RALYL: variants seen among roughly 807,000 people sequenced by gnomAD.
RALYL encodes the protein RNA-binding Raly-like protein.
RALYL carries 29 observed loss-of-function variants against 35.1 expected under a neutral mutation model. The ratio of observed to expected loss-of-function variants is 0.83; its 90% CI spans 0.61 to 1.13. The LOEUF (loss-of-function observed/expected upper bound fraction) is 1.13. RALYL is among the 50% of genes most tolerant of loss of function. RALYL has a pLI of 0.00. For synonymous variants in RALYL, 120 were observed against 127.6 expected (o/e 0.94, Z 0.40); for missense variants, 359 against 360.4 (o/e 1.00, Z 0.03).
chr8:84,304,080 A>C (rs1460007420), intron 1 of RALYL, among the ~76,000 whole-genome samples: 1 of 152,046 alleles, frequency 6.6e-6, no homozygotes, highest in Non-Finnish European at 1.5e-5. Context: ...ATAAAATATA[A>C]AACTCATATT....
intron 2 of RALYL, among the ~76,000 whole-genome samples, chr8:84,584,556 T>C (rs1025811589): frequency 6.6e-6 from 1 of 151,840 alleles, no homozygotes; most frequent in Non-Finnish European, 1.5e-5. Context: ...TGAGCCAAGA[T>C]TGTGCCACTG....
intron 2 of RALYL, among the ~76,000 whole-genome samples, chr8:84,667,998 TA>T (rs1390415323): frequency 7.2e-5 from 11 of 152,180 alleles, no homozygotes; most frequent in Non-Finnish European, 1.6e-4. Flanking sequence ...AACAGCCTTT[TA>T]AAATTCTTTT....
At chr8:84,633,300 G>A (rs1411959078) in intron 2 of RALYL, among the ~76,000 whole-genome samples, 1 of 151,654 alleles carries the variant, frequency 6.6e-6, no homozygotes, top group African/African-American at 2.4e-5. Context: ...ATAGAGTTTG[G>A]ACAGTAGGAG....
At chr8:84,436,704 T>C (rs1293275169) in intron 1 of RALYL, among the ~76,000 whole-genome samples, 1 of 151,392 alleles carries the variant, frequency 6.6e-6, no homozygotes, top group African/African-American at 2.4e-5. Context: ...ATTTAATCTA[T>C]ATAATTTGAT....
chr8:84,872,167 T>C (rs1371895104), intron 6 of RALYL, among the ~76,000 whole-genome samples: 1 of 152,188 alleles, frequency 6.6e-6, no homozygotes, highest in African/African-American at 2.4e-5. Context: ...GAGGCAGATA[T>C]AGCTGTTCCA....
chr8:84,332,599 T>C (rs73293089), intron 1 of RALYL, among the ~76,000 whole-genome samples: 3,095 of 152,206 alleles, frequency 0.02, 115 homozygotes, highest in African/African-American at 0.07. Flanking sequence ...CTTATCTCCA[T>C]TTATATTTTG....
chr8:84,376,875 G>A (rs557851337), intron 1 of RALYL, among the ~76,000 whole-genome samples: 1 of 151,924 alleles, frequency 6.6e-6, no homozygotes, highest in East Asian at 1.9e-4. Flanking sequence ...ACAAAGATGA[G>A]TGCCAAGTTT....
intron 1 of RALYL, among the ~76,000 whole-genome samples, chr8:84,316,678 T>C (rs543936478): frequency 1.3e-5 from 2 of 152,308 alleles, no homozygotes; most frequent in South Asian, 4.1e-4. Context: ...ATCCGCAAAT[T>C]CAATGTTTAA....
chr8:84,699,442 G>T (rs1477878764), intron 2 of RALYL, among the ~76,000 whole-genome samples: 1 of 152,114 alleles, frequency 6.6e-6, no homozygotes, highest in Non-Finnish European at 1.5e-5. Flanking sequence ...TCTAAAGGCT[G>T]GGAAATCTAA....
chr8:84,273,412 A>T (rs1022757439), intron 1 of RALYL, among the ~76,000 whole-genome samples: 5 of 152,260 alleles, frequency 3.3e-5, no homozygotes, highest in African/African-American at 1.2e-4. Context: ...GTAACCAGAG[A>T]ACAAGTGAAG....
chr8:84,874,951 G>T (rs1840851300), intron 7 of RALYL, among the ~76,000 whole-genome samples: 1 of 152,136 alleles, frequency 6.6e-6, no homozygotes, highest in Non-Finnish European at 1.5e-5. Flanking sequence ...CATAAGCCAT[G>T]TACCTAGCAC....
At chr8:84,647,850 T>C (rs1314904004) in intron 2 of RALYL, among the ~76,000 whole-genome samples, 1 of 152,122 alleles carries the variant, frequency 6.6e-6, no homozygotes, top group Non-Finnish European at 1.5e-5. Context: ...AAGAGCTTAC[T>C]GAAAAAGTGA....
intron 1 of RALYL, among the ~76,000 whole-genome samples, chr8:84,494,140 G>C (rs1397100175): frequency 6.6e-6 from 1 of 152,000 alleles, no homozygotes; most frequent in East Asian, 1.9e-4. Flanking sequence ...AGTTTTCCCA[G>C]CACCATTTAT....
intron 2 of RALYL, among the ~76,000 whole-genome samples, chr8:84,692,391 A>C (rs1838240857): frequency 6.6e-6 from 1 of 152,046 alleles, no homozygotes; most frequent in Non-Finnish European, 1.5e-5. Context: ...AGCAATAGCA[A>C]TCAAACATAG....
intron 4 of RALYL, among the ~76,000 whole-genome samples, chr8:84,842,861 C>A (rs1179375931): frequency 6.6e-6 from 1 of 152,136 alleles, no homozygotes; most frequent in Non-Finnish European, 1.5e-5. Flanking sequence ...GAACCGATGG[C>A]AAAAACCTCA....
chr8:84,747,626 A>C (rs2133153156), intron 2 of RALYL, among the ~76,000 whole-genome samples: 1 of 151,980 alleles, frequency 6.6e-6, no homozygotes, highest in African/African-American at 2.4e-5. Flanking sequence ...AAGATTTCTA[A>C]ATTTTATTTA....
At chr8:84,271,011 T>G (rs1834205489) in intron 1 of RALYL, among the ~76,000 whole-genome samples, 1 of 151,334 alleles carries the variant, frequency 6.6e-6, no homozygotes, top group Non-Finnish European at 1.5e-5. Context: ...ATCTGCAAAT[T>G]ATGGATTTTT....
chr8:84,489,471 C>T (rs928580988), intron 1 of RALYL, among the ~76,000 whole-genome samples: 7 of 152,024 alleles, frequency 4.6e-5, no homozygotes, highest in Admixed American at 1.3e-4. Context: ...ATAGAGTTAG[C>T]AAACAGTTAT....
chr8:84,767,537 T>A (rs956448544), intron 2 of RALYL, among the ~76,000 whole-genome samples: 1 of 152,154 alleles, frequency 6.6e-6, no homozygotes, highest in Admixed American at 6.5e-5. Flanking sequence ...CAGAATGAGA[T>A]GGGTCTATTC....
Sources: gnomAD v4.1 joint callset for allele counts (sites outside exome capture counted in the v4.1 genomes callset) on GRCh38, gnomAD v4.1.1 for gene constraint, MANE v1.5 for transcripts, NCBI Gene and HGNC (gene_info 2026-07-23, HGNC 2026-07-21) for gene names.